KLHL3: variants seen among roughly 807,000 people sequenced by gnomAD.
The protein encoded by KLHL3 is kelch-like protein 3.
Under a neutral mutation model 70.5 loss-of-function variants are expected in KLHL3, and 19 were observed. The ratio of observed to expected loss-of-function variants is 0.27; its 90% confidence interval spans 0.19 to 0.40. KLHL3 has a LOEUF of 0.40. Ranked by LOEUF, KLHL3 falls within the 10% of genes least tolerant of loss-of-function variation. The pLI is 1.00. For synonymous variants in KLHL3, 258 were observed against 290.3 expected, an observed-to-expected ratio of 0.89 and a Z score of 1.13; for missense variants, 512 against 771.1, an observed-to-expected ratio of 0.66 and a Z score of 3.98.
At chr5:137,646,375 T>C (rs1310706327) in intron 8 of KLHL3, among the ~76,000 whole-genome samples, 1 of 152,098 alleles carries the variant, frequency 6.6e-6, no homozygotes, top group Non-Finnish European at 1.5e-5. Context: ...TCAAAAGAAA[T>C]CCAATTTTTA....
At chr5:137,702,214 T>C (rs1470525872) in intron 3 of KLHL3, among the ~76,000 whole-genome samples, 1 of 151,718 alleles carries the variant, frequency 6.6e-6, no homozygotes, top group Non-Finnish European at 1.5e-5. Context: ...AGCCAGGGAT[T>C]CCTGCACCCT....
At chr5:137,633,533 A>T (rs1243287499) in intron 12 of KLHL3, among the ~76,000 whole-genome samples, 1 of 152,146 alleles carries the variant, frequency 6.6e-6, no homozygotes, top group Admixed American at 6.5e-5. Flanking sequence ...TTAAAGCAGC[A>T]CTACTGACTA....
chr5:137,676,226 C>T, intron 6 of KLHL3, among the ~76,000 whole-genome samples: 1 of 152,184 alleles, frequency 6.6e-6, no homozygotes, highest in Non-Finnish European at 1.5e-5. Flanking sequence ...CTTGATCAAA[C>T]TTTTCCAGGA....
chr5:137,694,189 C>G (rs1488058695), intron 4 of KLHL3, among the ~76,000 whole-genome samples: 1 of 152,032 alleles, frequency 6.6e-6, no homozygotes, highest in African/African-American at 2.4e-5. Context: ...GCTGCTCCTA[C>G]CCACAGGCTT....
chr5:137,684,473 G>T (rs774666097), intron 5 of KLHL3, among the ~76,000 whole-genome samples: 1 of 152,018 alleles, frequency 6.6e-6, no homozygotes, highest in Non-Finnish European at 1.5e-5. Flanking sequence ...ATCAAAAAAA[G>T]GCCATTTCTC....
At position 137,720,610 on chromosome 5, in the gene KLHL3, GA is replaced by G. The variant is rs1278047047; in HGVS notation, c.15-27del. ...CTGTGAACAGGAAGGAAGAGGGAGG[GA>G]AAGAGAATCACTCATTGGTAAACCC... On this transcript the variant is annotated intron_variant, in intron 1 of 14. Coordinates refer to ENST00000309755, the MANE Select transcript of KLHL3 (RefSeq NM_017415.3). The G allele has an allele frequency of 1.9e-6, 3 of 1,612,836 alleles. No individual in the cohort carries two copies. In the Admixed American group the frequency reaches 5.0e-5, roughly 27 times the overall value.
chr5:137,671,002 C>T (rs1310289593), intron 6 of KLHL3, among the ~76,000 whole-genome samples: 1 of 151,702 alleles, frequency 6.6e-6, no homozygotes, highest in Non-Finnish European at 1.5e-5. Context: ...ACAAAAAAGC[C>T]CCAAACACCT....
intron 8 of KLHL3, among the ~76,000 whole-genome samples, chr5:137,655,330 G>C (rs140086405): frequency 1.3e-5 from 2 of 152,234 alleles, no homozygotes; most frequent in Non-Finnish European, 2.9e-5. Flanking sequence ...ATAACCTTGA[G>C]ACAATTGGCT....
chr5:137,644,379 T>C (rs1360130476), intron 8 of KLHL3, among the ~76,000 whole-genome samples: 2 of 152,314 alleles, frequency 1.3e-5, no homozygotes, highest in Admixed American at 6.5e-5. Flanking sequence ...CTTTTTATAG[T>C]TGAATAGTAT....
chr5:137,628,696 A>AAT (rs952252057), intron 12 of KLHL3: 11 of 235,666 alleles, frequency 4.7e-5, no homozygotes, highest in African/African-American at 1.9e-4. Context: ...AACATTAAAA[A>AAT]ATATATATAT....
At chr5:137,720,316 G>T in intron 2 of KLHL3, 149 bp downstream of exon 2, 3 of 894,264 alleles carry the variant, frequency 3.4e-6, no homozygotes, top group East Asian at 2.7e-5. Flanking sequence ...AAAAAAAAGA[G>T]AGAAAGAAAG....
chr5:137,642,698 T>C (rs1436335755), intron 8 of KLHL3, among the ~76,000 whole-genome samples: 2 of 152,230 alleles, frequency 1.3e-5, no homozygotes, highest in Admixed American at 1.3e-4. Context: ...TAGAACGTCA[T>C]TTTCTTTAGT....
chr5:137,703,140 G>A (rs746061123), intron 3 of KLHL3, among the ~76,000 whole-genome samples: 1 of 152,158 alleles, frequency 6.6e-6, no homozygotes, highest in Non-Finnish European at 1.5e-5. Flanking sequence ...CTAAACCACC[G>A]ACCACCCCTA....
chr5:137,671,444 G>C (rs533630455), intron 6 of KLHL3, among the ~76,000 whole-genome samples: 1 of 152,248 alleles, frequency 6.6e-6, no homozygotes, highest in African/African-American at 2.4e-5. Flanking sequence ...ACCAGTCTAT[G>C]AGCCCCTGAA....
chr5:137,684,974 G>A (rs928050881), intron 5 of KLHL3, among the ~76,000 whole-genome samples: 1 of 152,234 alleles, frequency 6.6e-6, no homozygotes, highest in Non-Finnish European at 1.5e-5. Context: ...ACAGCAGGAA[G>A]AGACAGGGCC....
At chr5:137,628,668 C>A (rs1750546347) in intron 12 of KLHL3, 6 of 395,002 alleles carry the variant, frequency 1.5e-5, no homozygotes, top group Non-Finnish European at 1.3e-5. Flanking sequence ...AAATGTGACC[C>A]AAATTCTGTT....
At chr5:137,722,694 T>C (rs1753019069) in intron 1 of KLHL3, among the ~76,000 whole-genome samples, 1 of 152,242 alleles carries the variant, frequency 6.6e-6, no homozygotes, top group Non-Finnish European at 1.5e-5. Flanking sequence ...TTTTTCTCTT[T>C]TTTTGAGATA....
chr5:137,732,092 C>CA (rs1437574369), intron 1 of KLHL3, among the ~76,000 whole-genome samples: 2 of 152,118 alleles, frequency 1.3e-5, no homozygotes, highest in East Asian at 3.9e-4. Context: ...TTAAGCTATC[C>CA]ACAAGGCTGA....
At chr5:137,622,915 C>T (rs745382637) in intron 14 of KLHL3, among the ~76,000 whole-genome samples, 4 of 152,214 alleles carry the variant, frequency 2.6e-5, no homozygotes, top group Non-Finnish European at 5.9e-5. Flanking sequence ...CTCAGGTTCC[C>T]AGACTGCCTG....
Sources: gnomAD v4.1 joint callset for allele counts (sites outside exome capture counted in the v4.1 genomes callset) on GRCh38, gnomAD v4.1.1 for gene constraint, MANE v1.5 for transcripts, NCBI Gene and HGNC (gene_info 2026-07-23, HGNC 2026-07-21) for gene names.